Variants in MTSS1 observed in about 807,000 individuals in gnomAD.
MTSS1 encodes protein MTSS 1.
Under a neutral mutation model 79.0 loss-of-function variants are expected in MTSS1, and 18 were observed. The observed-to-expected ratio is 0.23, with a 90% CI of 0.16 to 0.34. The LOEUF is 0.34. Ranked by LOEUF, MTSS1 falls within the 10% of genes least tolerant of loss-of-function variation. MTSS1 has a pLI of 1.00. For missense variants in MTSS1, 815 were observed against 986.2 expected (o/e 0.83, Z 2.33); for synonymous variants, 341 against 368.6 (o/e 0.93, Z 0.86).
chr8:124,651,014 A>G (rs1263730672), intron 3 of MTSS1, among the ~76,000 whole-genome samples: 1 of 152,280 alleles, frequency 6.6e-6, no homozygotes, highest in Non-Finnish European at 1.5e-5. Context: ...ATATATTTAA[A>G]GTGCTTACAA....
chr8:124,653,648 TG>T lies in MTSS1; in HGVS notation c.208+45877del, dbSNP rs1820408381. ...CTGAGGCAGGAGAATCGCTTGAACCTGGGAGGCTGAGGTTGCAGTGAGCCGA... is the reference window on the plus strand; with the variant it reads ...CTGAGGCAGGAGAATCGCTTGAACCTGGAGGCTGAGGTTGCAGTGAGCCGA... On this transcript the variant is annotated intron_variant, in intron 3 of 13. Coordinates refer to ENST00000518547, the MANE Select transcript of MTSS1 (RefSeq NM_014751.6). Among the ~76,000 whole-genome samples the T allele has an allele frequency of 2.6e-5, 4 of 152,270 alleles. No individual in the cohort carries two copies. The South Asian group carries it at 8.3e-4, about 32-fold the overall frequency.
chr8:124,553,672 A>G lies in MTSS1; in HGVS notation c.1588T>C (p.Ser530Pro). ...PSQVSDYDYFSVSGDQEADQQ... is the reference protein window; with the variant it reads ...PSQVSDYDYFPVSGDQEADQQ... ...TCTGCCTCCTGGTCACCACTTACAG[A>G]GAAATAATCATAATCTGAAACTGAT... The change falls in exon 14 of 14, where the codon TCT becomes CCT. Residue 530 changes from serine to proline, a missense_variant. By Grantham distance (74) the Ser-to-Pro change is moderately conservative (BLOSUM62 -1). Coordinates refer to ENST00000518547, the MANE Select transcript of MTSS1 (RefSeq NM_014751.6). This position sits in a 1 kb window ranked among gnomAD's most constrained non-coding sequence, Gnocchi z 6.0. 1.2e-6 allele frequency: 2 copies of G among 1,611,602 alleles called. No homozygotes were observed. The highest frequency in any genetic ancestry group is 1.7e-6 in the Non-Finnish European group (2 of 1,178,370).
chr8:124,687,697 A>C (rs1326859303), intron 3 of MTSS1, among the ~76,000 whole-genome samples: 2 of 152,228 alleles, frequency 1.3e-5, no homozygotes, highest in Non-Finnish European at 2.9e-5. Flanking sequence ...AGTCATTCTC[A>C]AAGAGAAGCC....
chr8:124,559,048 C>T (rs892280173), intron 10 of MTSS1, among the ~76,000 whole-genome samples: 1 of 152,192 alleles, frequency 6.6e-6, no homozygotes, highest in Non-Finnish European at 1.5e-5. Flanking sequence ...GGCTTTCGAG[C>T]CCTTGAAAAG....
intron 13 of MTSS1, 107 bp downstream of exon 13, chr8:124,555,635 G>C (rs1189040959): frequency 4.7e-6 from 6 of 1,289,100 alleles, no homozygotes; most frequent in Non-Finnish European, 6.3e-6. Context: ...CCTGACACCT[G>C]TTAGTTAGCG....
chr8:124,645,665 G>A (rs952009376), intron 3 of MTSS1, among the ~76,000 whole-genome samples: 3 of 151,852 alleles, frequency 2.0e-5, no homozygotes, highest in South Asian at 2.1e-4. Flanking sequence ...TCATTTTCTC[G>A]GTTGACGCTC....
At chr8:124,637,814 C>T (rs1431542515) in intron 3 of MTSS1, among the ~76,000 whole-genome samples, 1 of 152,252 alleles carries the variant, frequency 6.6e-6, no homozygotes, top group Admixed American at 6.5e-5. Flanking sequence ...GATGTATACA[C>T]TTGCTCATTC....
intron 3 of MTSS1, among the ~76,000 whole-genome samples, chr8:124,658,993 G>C (rs1821499080): frequency 6.6e-6 from 1 of 152,162 alleles, no homozygotes; most frequent in Non-Finnish European, 1.5e-5. Flanking sequence ...ATTTTATAAA[G>C]CTTGCTGTAA....
intron 3 of MTSS1, among the ~76,000 whole-genome samples, chr8:124,596,513 G>C (rs1158094952): frequency 6.6e-6 from 1 of 152,204 alleles, no homozygotes; most frequent in African/African-American, 2.4e-5. Flanking sequence ...CCATCCAGGG[G>C]CTGGGCTGCC....
intron 2 of MTSS1, among the ~76,000 whole-genome samples, chr8:124,700,282 A>T (rs34654573): frequency 0.012 from 1,866 of 152,114 alleles, 35 homozygotes; most frequent in African/African-American, 0.043. Context: ...GTAGGAAAGC[A>T]ATATATATAT....
rs752450417 is a variant in MTSS1, at chr8:124,597,930, G to A, written c.209-6695C>T. Among the ~76,000 whole-genome samples, 1 of 152,124 alleles carries A rather than the reference G, an allele frequency of 6.6e-6. No homozygotes were observed. Among genetic ancestry groups the A allele is most frequent in the South Asian group, 2.1e-4 (1 of 4,818 alleles). On this transcript the variant is annotated intron_variant, in intron 3 of 13. Transcript: ENST00000518547. This position sits in a 1 kb window ranked among gnomAD's most constrained non-coding sequence, Gnocchi z 4.6. Reference sequence around the variant, plus strand: ...AGAGTTCACTAGAGTGGGGTATCTCGGCCTCAGCCCTGCTGACATTTTGAA... The same window carrying A: ...AGAGTTCACTAGAGTGGGGTATCTCAGCCTCAGCCCTGCTGACATTTTGAA...
intron 5 of MTSS1, among the ~76,000 whole-genome samples, chr8:124,586,090 T>C (rs1433268654): frequency 6.6e-6 from 1 of 152,198 alleles, no homozygotes; most frequent in Non-Finnish European, 1.5e-5. Flanking sequence ...CCATTTCTGT[T>C]GCTGGCATCC....
chr8:124,723,168 T>A (rs1194745368), intron 1 of MTSS1, among the ~76,000 whole-genome samples: 1 of 152,194 alleles, frequency 6.6e-6, no homozygotes, highest in East Asian at 1.9e-4. Flanking sequence ...GGAACAAACT[T>A]AAATAGTGAA....
rs1828029895 is a variant in MTSS1 at position 124,692,064 on chromosome 8, C to T, written c.208+7462G>A. Among the ~76,000 whole-genome samples, 6 of 148,462 alleles carry T rather than the reference C, an allele frequency of 4.0e-5. No individual in the cohort carries two copies. The South Asian group carries it at 1.3e-3, about 32-fold the overall frequency. ...TTTTTTTTTGAGACAGAGTCTCACT[C>T]CATTACCCAGGCTGGAGTGCAGTGG... On this transcript the variant is annotated intron_variant, in intron 3 of 13. Transcript: ENST00000518547.
intron 6 of MTSS1, chr8:124,580,655 G>T: frequency 1.4e-6 from 2 of 1,437,132 alleles, no homozygotes; most frequent in Non-Finnish European, 1.9e-6. Context: ...AGCAGCAGCA[G>T]TCTTACCTTT....
Position 124,562,913 on chromosome 8 carries a change from G to A in MTSS1, c.904C>T (p.Arg302Cys), listed in dbSNP as rs565766059. ...SHSPSSHYRY[R>C]SSNLAQQAPV... ...GCCTGCTGGGCCAGGTTGGAGCTGC[G>A]GTAGCGGTAATGTGAGCTGGGGGAA... is the stretch of plus-strand genomic sequence containing the variant. Residue 302 changes from arginine (R) to cysteine (C), a missense_variant, in exon 10 of 14, where the codon CGC (arginine) becomes TGC (cysteine). Arg to Cys is a radical substitution (Grantham distance 180). Transcript: ENST00000518547. 44 of 1,613,914 alleles carry A rather than the reference G, an allele frequency of 2.7e-5. No homozygotes were observed. Among genetic ancestry groups the A allele is most frequent in the South Asian group, 1.8e-4 (16 of 91,056 alleles).
chr8:124,572,921 A>G (rs930739274), intron 6 of MTSS1, among the ~76,000 whole-genome samples: 9 of 151,542 alleles, frequency 5.9e-5, no homozygotes, highest in African/African-American at 1.9e-4. Context: ...TAATTTTTGT[A>G]TTTTTAGTAG....
At chr8:124,624,197 G>A (rs1345402396) in intron 3 of MTSS1, among the ~76,000 whole-genome samples, 3 of 152,192 alleles carry the variant, frequency 2.0e-5, no homozygotes, top group African/African-American at 7.2e-5. Context: ...GACAGCCCCC[G>A]TCCTCAATGA....
In MTSS1 at chr8:124,690,788, G is replaced by A. The variant is rs555848509; in HGVS notation, c.208+8738C>T. Among the ~76,000 whole-genome samples the A allele has an allele frequency of 1.6e-4, 25 of 152,194 alleles. No individual in the cohort carries two copies. The Middle Eastern group carries it at 0.01, about 62-fold the overall frequency. On this transcript the variant is annotated intron_variant, in intron 3 of 13. Coordinates refer to ENST00000518547, the MANE Select transcript of MTSS1 (RefSeq NM_014751.6). Reference sequence around the variant, plus strand: ...ATCTCCTAAATATACGTACTTGCCCGTCAAAATAATCAAACACATAAGCAA... The same window carrying A: ...ATCTCCTAAATATACGTACTTGCCCATCAAAATAATCAAACACATAAGCAA...
Sources: allele counts gnomAD v4.1 joint callset (sites outside exome capture counted in the v4.1 genomes callset), GRCh38; gene constraint gnomAD v4.1.1; non-coding constraint Gnocchi (gnomAD v3.1); transcripts MANE v1.5; gene names NCBI Gene and HGNC (gene_info 2026-07-23, HGNC 2026-07-21).